The following HOMER1 variants were observed in gnomAD, a reference collection of about 807,000 sequenced individuals.
HOMER1 encodes the protein homer scaffold protein 1, also known as homer protein homolog 1.
Under a neutral mutation model 48.9 loss-of-function variants are expected in HOMER1, and 3 were observed. The ratio of observed to expected loss-of-function variants is 0.06; its 90% CI spans 0.03 to 0.16. The LOEUF is 0.16. Among genes scored for constraint, HOMER1 ranks in the 10% least tolerant of loss-of-function variants. HOMER1 has a pLI of 1.00. For synonymous variants in HOMER1, 134 were observed against 146.4 expected, an observed-to-expected ratio of 0.92 and a Z score of 0.61; for missense variants, 247 against 411.4, an observed-to-expected ratio of 0.60 and a Z score of 3.46.
At chr5:79,392,576 T>C (rs1749278501) in intron 8 of HOMER1, among the ~76,000 whole-genome samples, 1 of 152,228 alleles carries the variant, frequency 6.6e-6, no homozygotes, top group African/African-American at 2.4e-5. Context: ...TTTAAATGTT[T>C]ATGAAGTTAA....
At chr5:79,483,841 G>C (rs1177003249) in intron 1 of HOMER1, among the ~76,000 whole-genome samples, 1 of 151,608 alleles carries the variant, frequency 6.6e-6, no homozygotes, top group Non-Finnish European at 1.5e-5. Context: ...GATCACCTGA[G>C]GTCAGGAGTT....
intron 2 of HOMER1, among the ~76,000 whole-genome samples, chr5:79,455,254 A>C (rs1751138156): frequency 6.6e-6 from 1 of 152,112 alleles, no homozygotes; most frequent in South Asian, 2.1e-4. Flanking sequence ...CAGAAGCTAA[A>C]TACTTTGCTC....
At chr5:79,437,799 T>C (rs894800632) in intron 5 of HOMER1, among the ~76,000 whole-genome samples, 37 of 152,252 alleles carry the variant, frequency 2.4e-4, no homozygotes, top group African/African-American at 8.7e-4. Flanking sequence ...ACTACAGGTG[T>C]GTGCACCAAC....
At chr5:79,483,674 CA>C (rs1752008203) in intron 1 of HOMER1, among the ~76,000 whole-genome samples, 1 of 149,854 alleles carries the variant, frequency 6.7e-6, no homozygotes, top group Non-Finnish European at 1.5e-5. Flanking sequence ...TGAAGAGCAC[CA>C]AAAGGGGTAA....
chr5:79,403,859 AAGTG>A (rs1268196755), intron 5 of HOMER1, among the ~76,000 whole-genome samples: 1 of 152,252 alleles, frequency 6.6e-6, no homozygotes, highest in Non-Finnish European at 1.5e-5. Context: ...AAAGTTTACT[AAGTG>A]AGAAAATATC....
chr5:79,472,799 A>T (rs1280886250), intron 1 of HOMER1, among the ~76,000 whole-genome samples: 3 of 149,680 alleles, frequency 2.0e-5, no homozygotes, highest in African/African-American at 7.4e-5. Flanking sequence ...GTTTTTAATT[A>T]AAAAAAAAAT....
intron 2 of HOMER1, 64 bp from the exon 3 acceptor site, chr5:79,451,185 A>T (rs1299624196): frequency 1.0e-4 from 159 of 1,540,328 alleles, no homozygotes; most frequent in Non-Finnish European, 1.1e-4. Context: ...TAAATACAAG[A>T]CCATTCAGTT....
chr5:79,510,617 G>A, intron 1 of HOMER1: 2 of 872,784 alleles, frequency 2.3e-6, no homozygotes, highest in Non-Finnish European at 3.8e-6. Context: ...GGCTAACAGT[G>A]CCAAGGCCAT....
At chr5:79,477,506 T>C (rs1300618630) in intron 1 of HOMER1, among the ~76,000 whole-genome samples, 1 of 152,096 alleles carries the variant, frequency 6.6e-6, no homozygotes, top group Non-Finnish European at 1.5e-5. Context: ...TGGATATGGA[T>C]TTTTTTTAGA....
intron 8 of HOMER1, among the ~76,000 whole-genome samples, chr5:79,389,711 G>C (rs1029646645): frequency 2.6e-5 from 4 of 152,206 alleles, no homozygotes; most frequent in African/African-American, 9.6e-5. Context: ...CGGCTTTCCA[G>C]CTGCCAGAAG....
At chr5:79,460,850 T>C (rs1034879905) in intron 1 of HOMER1, among the ~76,000 whole-genome samples, 1 of 152,220 alleles carries the variant, frequency 6.6e-6, no homozygotes, top group Admixed American at 6.5e-5. Flanking sequence ...ACTCCTGATG[T>C]ATAAGACAAA....
At chr5:79,483,449 A>T (rs1752002702) in intron 1 of HOMER1, among the ~76,000 whole-genome samples, 1 of 152,018 alleles carries the variant, frequency 6.6e-6, no homozygotes, top group South Asian at 2.1e-4. Context: ...AATGCACTGA[A>T]TTGCACTTTT....
intron 1 of HOMER1, among the ~76,000 whole-genome samples, chr5:79,494,720 T>C (rs565155507): frequency 1.3e-5 from 2 of 152,272 alleles, no homozygotes; most frequent in African/African-American, 4.8e-5. Context: ...AATACAAAAA[T>C]TAGCCGGGCA....
intron 8 of HOMER1, among the ~76,000 whole-genome samples, chr5:79,393,300 G>C (rs1465941258): frequency 1.3e-5 from 2 of 152,034 alleles, no homozygotes; most frequent in African/African-American, 2.4e-5. Flanking sequence ...CCTGGGATGG[G>C]GTGTGGGGAC....
At chr5:79,497,619 C>T (rs571872377) in intron 1 of HOMER1, among the ~76,000 whole-genome samples, 82 of 143,492 alleles carry the variant, frequency 5.7e-4, no homozygotes, top group East Asian at 3.4e-3. Context: ...GAGCCAAGAT[C>T]GTGTACTGCA....
rs1486016565 is a variant in HOMER1, at chr5:79,512,836, G to C, written c.-62C>G. 24 of 1,555,100 alleles carry C rather than the reference G, an allele frequency of 1.5e-5. No individual in the cohort carries two copies. The highest frequency in any genetic ancestry group is 3.4e-5 in the Admixed American group (2 of 59,582). ...TTATGCTACGGAATAACTTCCAAAG[G>C]AATTTCTCCGTCTGCTATTTCGCAG... On this transcript the variant is annotated 5_prime_UTR_variant, in exon 1 of 9. Transcript: ENST00000334082.
intron 5 of HOMER1, among the ~76,000 whole-genome samples, chr5:79,433,324 G>A (rs549139753): frequency 3.3e-5 from 5 of 152,210 alleles, no homozygotes; most frequent in Admixed American, 3.3e-4. Context: ...CCTTTGGGGG[G>A]CCGAGGCAGG....
chr5:79,427,270 CAG>C (rs1012045669), intron 5 of HOMER1, among the ~76,000 whole-genome samples: 9 of 152,040 alleles, frequency 5.9e-5, no homozygotes, highest in African/African-American at 1.7e-4. Context: ...CACTAGAAAT[CAG>C]AGTTATTTGA....
chr5:79,382,542 A>G (rs552391712), intron 8 of HOMER1, among the ~76,000 whole-genome samples: 1 of 152,322 alleles, frequency 6.6e-6, no homozygotes, highest in African/African-American at 2.4e-5. Flanking sequence ...CTGCTATCCA[A>G]GCATACTACA....
Sources: allele counts gnomAD v4.1 joint callset (sites outside exome capture counted in the v4.1 genomes callset), GRCh38; gene constraint gnomAD v4.1.1; transcripts MANE v1.5; gene names NCBI Gene and HGNC (gene_info 2026-07-23, HGNC 2026-07-21).